Variants in KLRG1 observed in about 807,000 individuals in gnomAD.
KLRG1 encodes killer cell lectin like receptor G1, also known as killer cell lectin-like receptor subfamily G member 1.
Under a neutral mutation model 21.8 loss-of-function variants are expected in KLRG1, and 16 were observed. That is an observed-to-expected ratio of 0.73 (90% CI 0.50 to 1.11). KLRG1 has a LOEUF of 1.11. Ranked by LOEUF, KLRG1 falls within the 50% of genes most tolerant of loss-of-function variation. The pLI is 0.00. For missense variants in KLRG1, 173 were observed against 218.3 expected, an observed-to-expected ratio of 0.79 and a Z score of 1.31; for synonymous variants, 69 against 75.9, an observed-to-expected ratio of 0.91 and a Z score of 0.47.
chr12:9,143,140 T>C, the KLRG1 span, among the ~76,000 whole-genome samples: 1 of 152,204 alleles, frequency 6.6e-6, no homozygotes, highest in African/African-American at 2.4e-5. Context: ...GTAAATAATA[T>C]ACCAAGTTAA....
At chr12:9,163,993 A>G in the KLRG1 span, 1 of 1,259,976 alleles carries the variant, frequency 7.9e-7, no homozygotes, top group Non-Finnish European at 1.1e-6. Flanking sequence ...GGAGGAGGTC[A>G]TAGTGGATAG....
the KLRG1 span, chr12:9,181,937 T>C: frequency 1.9e-6 from 3 of 1,601,396 alleles, no homozygotes; most frequent in South Asian, 3.3e-5. Context: ...ACAGTATCAT[T>C]TATTTGTGTT....
At chr12:8,983,607 G>T (rs1242477714) in intron 1 of KLRG1, among the ~76,000 whole-genome samples, 1 of 151,864 alleles carries the variant, frequency 6.6e-6, no homozygotes, top group Non-Finnish European at 1.5e-5. Context: ...CACCATGTTG[G>T]CCAGGCTGGT....
At chr12:8,982,482 G>C (rs745835687) in intron 1 of KLRG1, among the ~76,000 whole-genome samples, 1 of 152,130 alleles carries the variant, frequency 6.6e-6, no homozygotes, top group African/African-American at 2.4e-5. Context: ...CACTAAGTTT[G>C]TGTTAGGTTA....
chr12:9,000,110 A>G (rs1478610171), intron 3 of KLRG1, among the ~76,000 whole-genome samples: 2 of 152,170 alleles, frequency 1.3e-5, no homozygotes, highest in Non-Finnish European at 2.9e-5. Flanking sequence ...TCTGTGTCCC[A>G]AGACATACAA....
chr12:9,140,028 G>T, the KLRG1 span, among the ~76,000 whole-genome samples: 2 of 152,198 alleles, frequency 1.3e-5, no homozygotes, highest in African/African-American at 4.8e-5. Flanking sequence ...CGGAGAGGAG[G>T]TTATCTTGGG....
the KLRG1 span, among the ~76,000 whole-genome samples, chr12:9,088,007 T>C: frequency 6.6e-6 from 1 of 152,174 alleles, no homozygotes; most frequent in Non-Finnish European, 1.5e-5. Flanking sequence ...GATGTATTTA[T>C]ATTATAGGCT....
rs148651970 is a variant in KLRG1 at position 8,992,285 on chromosome 12, G to C, written c.162G>C (p.Leu54=). Residue 54 remains leucine, a synonymous_variant, in exon 2 of 5, where the codon CTG becomes CTC. Transcript: ENST00000356986. ...GLLTAVLLSV[L]LYQWILCQGS... is the part of the protein sequence containing the mutation. ...TGACTGCAGTTCTTCTGAGTGTGCT[G>C]CTATACCAGTGGATCCTGTGCCAGG... The C allele has an allele frequency of 1.7e-5, 27 of 1,613,346 alleles. 1 individual carries two copies. In the African/African-American group the frequency reaches 2.0e-4, roughly 12 times the overall value.
chr12:9,069,266 C>T, the KLRG1 span, among the ~76,000 whole-genome samples: 1 of 152,190 alleles, frequency 6.6e-6, no homozygotes, highest in Non-Finnish European at 1.5e-5. Flanking sequence ...TTCCCATCAA[C>T]TTATGCATGA....
At chr12:9,098,661 A>C in the KLRG1 span, 2 of 1,610,674 alleles carry the variant, frequency 1.2e-6, no homozygotes. Context: ...TTTGGTCCAC[A>C]GCACGGAGGG....
the KLRG1 span, chr12:9,093,661 A>G: frequency 1.3e-6 from 1 of 748,364 alleles, no homozygotes; most frequent in Non-Finnish European, 2.0e-6. Context: ...CACCAAAAAA[A>G]AAAAACAAAA....
At chr12:9,179,532 C>A in the KLRG1 span, among the ~76,000 whole-genome samples, 4 of 152,276 alleles carry the variant, frequency 2.6e-5, no homozygotes, top group South Asian at 6.2e-4. Flanking sequence ...TGTAGTAGGT[C>A]ATTTTTTAAA....
the KLRG1 span, chr12:9,112,345 T>C: frequency 6.2e-7 from 1 of 1,606,876 alleles, no homozygotes; most frequent in East Asian, 2.2e-5. Context: ...CTTTCCTTTT[T>C]GAAGTTGTCC....
chr12:8,966,035 A>C (rs1483843979), intron 1 of KLRG1, among the ~76,000 whole-genome samples: 1 of 152,200 alleles, frequency 6.6e-6, no homozygotes, highest in Non-Finnish European at 1.5e-5. Context: ...ATAATGCCGC[A>C]TATCTACAAC....
At chr12:9,181,707 G>A in the KLRG1 span, among the ~76,000 whole-genome samples, 5 of 152,172 alleles carry the variant, frequency 3.3e-5, no homozygotes, top group East Asian at 5.8e-4. Flanking sequence ...GAACTTTTGA[G>A]TCTTAGCATT....
At chr12:8,981,496 T>A (rs1028400902) in intron 1 of KLRG1, among the ~76,000 whole-genome samples, 7 of 152,098 alleles carry the variant, frequency 4.6e-5, no homozygotes, top group African/African-American at 1.7e-4. Context: ...TAAAATTATT[T>A]TTTTCTTTTA....
At chr12:9,134,770 G>C in the KLRG1 span, among the ~76,000 whole-genome samples, 1 of 152,124 alleles carries the variant, frequency 6.6e-6, no homozygotes, top group Non-Finnish European at 1.5e-5. Flanking sequence ...TTCGCCCTTC[G>C]GTGCTGGAAA....
the KLRG1 span, among the ~76,000 whole-genome samples, chr12:9,023,271 C>T: frequency 6.6e-6 from 1 of 152,160 alleles, no homozygotes; most frequent in Non-Finnish European, 1.5e-5. Context: ...AGCTGCTGAC[C>T]TCTGGAGAAT....
chr12:9,163,153 G>A, the KLRG1 span, among the ~76,000 whole-genome samples: 2 of 152,022 alleles, frequency 1.3e-5, no homozygotes, highest in African/African-American at 4.8e-5. Context: ...AGAGATATGT[G>A]AATCTTAGGA....
Sources: gnomAD v4.1 joint callset for allele counts (sites outside exome capture counted in the v4.1 genomes callset) on GRCh38, gnomAD v4.1.1 for gene constraint, MANE v1.5 for transcripts, NCBI Gene and HGNC (gene_info 2026-07-23, HGNC 2026-07-21) for gene names.